MAP3K21: variants seen among roughly 807,000 people sequenced by gnomAD.
The protein encoded by MAP3K21 is mitogen-activated protein kinase kinase kinase 21, also known as mitogen-activated protein kinase kinase kinase MLK4.
Under a neutral mutation model 86.1 loss-of-function variants are expected in MAP3K21, and 63 were observed. That is an observed-to-expected ratio of 0.73 (90% CI 0.60 to 0.90). The LOEUF (loss-of-function observed/expected upper bound fraction) is 0.90. Among genes scored for constraint, MAP3K21 ranks in the 40% least tolerant of loss-of-function variants. The probability of loss-of-function intolerance (pLI) is 0.00; values close to 1 mark genes in which losing one functional copy is unlikely to be tolerated. For synonymous variants in MAP3K21, 558 were observed against 564.8 expected (o/e 0.99, Z 0.17); for missense variants, 1,220 against 1,367.7 (o/e 0.89, Z 1.70).
chr1:233,380,934 G>T (rs1274091958), intron 9 of MAP3K21, among the ~76,000 whole-genome samples: 1 of 152,148 alleles, frequency 6.6e-6, no homozygotes, highest in African/African-American at 2.4e-5. Flanking sequence ...GATGTGACTG[G>T]ATCATGCTAT....
In MAP3K21 at chr1:233,355,063, G is replaced by A. The variant is rs759105931; in HGVS notation, c.1311+52G>A. ...TGTACTCAAATTTATGAAAACTATG[G>A]AAAATATGAGGCAAGAAGCACTGTT... On this transcript the variant is annotated intron_variant, in intron 4 of 9. Transcript: ENST00000366624. 1.5e-5 allele frequency: 20 copies of A among 1,342,440 alleles called. No individual in the cohort carries two copies. In the Admixed American group the frequency reaches 3.9e-4, roughly 26 times the overall value. The allele number at this position is 1,342,440 out of a possible 1,614,324, so 83.2% of individuals were successfully genotyped here.
At chr1:233,344,699 A>C (rs939123196) in intron 1 of MAP3K21, among the ~76,000 whole-genome samples, 1 of 152,246 alleles carries the variant, frequency 6.6e-6, no homozygotes, top group African/African-American at 2.4e-5. Flanking sequence ...AAACACCAAA[A>C]GCAATGGCAA....
At chr1:233,333,150 C>T (rs962012000) in intron 1 of MAP3K21, among the ~76,000 whole-genome samples, 7 of 152,040 alleles carry the variant, frequency 4.6e-5, no homozygotes, top group African/African-American at 1.7e-4. Flanking sequence ...ATGTAATCTC[C>T]AGATAAGATG....
chr1:233,376,364 C>A, intron 7 of MAP3K21, 66 bp from the exon 8 acceptor site: 1 of 1,145,848 alleles, frequency 8.7e-7, no homozygotes. Context: ...TGGTCTGTAT[C>A]CACCAAAACC....
chr1:233,381,820 C>T (rs1451536313), intron 9 of MAP3K21, among the ~76,000 whole-genome samples: 1 of 152,174 alleles, frequency 6.6e-6, no homozygotes, highest in Admixed American at 6.5e-5. Flanking sequence ...AACTGCTTTT[C>T]CATTTTCATC....
chr1:233,381,905 C>T (rs1311759257), intron 9 of MAP3K21, among the ~76,000 whole-genome samples: 2 of 152,148 alleles, frequency 1.3e-5, no homozygotes, highest in Non-Finnish European at 2.9e-5. Flanking sequence ...AAATTTATTC[C>T]AGTCTAGTCC....
intron 1 of MAP3K21, among the ~76,000 whole-genome samples, chr1:233,331,347 A>G (rs763586642): frequency 1.3e-5 from 2 of 152,208 alleles, no homozygotes; most frequent in Non-Finnish European, 2.9e-5. Context: ...TTTAATTACT[A>G]TAAAGTGAAG....
At chr1:233,352,591 C>G (rs771674505) in intron 2 of MAP3K21, among the ~76,000 whole-genome samples, 1 of 151,924 alleles carries the variant, frequency 6.6e-6, no homozygotes, top group South Asian at 2.1e-4. Context: ...CCACCATGCC[C>G]GGGTCATTTT....
Position 233,328,678 on chromosome 1 carries a change from C to G in MAP3K21, c.650C>G (p.Ala217Gly). 1 of 1,320,542 alleles carries G rather than the reference C, an allele frequency of 7.6e-7. No homozygotes were observed. The allele number at this position is 1,320,542 out of a possible 1,614,324, so 81.8% of individuals were successfully genotyped here. A position where few individuals can be genotyped will look rare whatever the true frequency, so the allele number is the denominator to read the frequency against. ...ALNRALAAAN[A>G]APDPRAPGPR... is the part of the protein sequence containing the mutation. ...AACCGAGCGCTGGCCGCTGCCAACG[C>G]CGCCCCGGACCCGCGCGCGCCCGGC... Residue 217 changes from alanine to glycine, a missense_variant, in exon 1 of 10, where the codon GCC (alanine) becomes GGC (glycine). Transcript: ENST00000366624. This position sits in a 1 kb window ranked among gnomAD's most constrained non-coding sequence, Gnocchi z 8.7.
At chr1:233,347,483 G>A (rs530591052) in intron 2 of MAP3K21, among the ~76,000 whole-genome samples, 1 of 152,186 alleles carries the variant, frequency 6.6e-6, no homozygotes, top group African/African-American at 2.4e-5. Flanking sequence ...ACTTGCCATT[G>A]TTTAGTGCTC....
chr1:233,357,978 A>G (rs1293213253), intron 4 of MAP3K21, among the ~76,000 whole-genome samples: 3 of 152,038 alleles, frequency 2.0e-5, no homozygotes, highest in Admixed American at 6.5e-5. Flanking sequence ...ATTCTGAAAA[A>G]TATGATAGAC....
intron 1 of MAP3K21, among the ~76,000 whole-genome samples, chr1:233,335,495 C>T (rs1213595270): frequency 6.6e-6 from 1 of 151,820 alleles, no homozygotes; most frequent in Non-Finnish European, 1.5e-5. Flanking sequence ...TCACTACAAC[C>T]TTTTGAGGTG....
chr1:233,352,642 G>C (rs1051920007), intron 2 of MAP3K21, among the ~76,000 whole-genome samples: 4 of 152,102 alleles, frequency 2.6e-5, no homozygotes, highest in Non-Finnish European at 5.9e-5. Flanking sequence ...TGCTGGCCAA[G>C]CTGGTCTTGT....
chr1:233,357,346 A>C (rs1159708998), intron 4 of MAP3K21, among the ~76,000 whole-genome samples: 1 of 152,164 alleles, frequency 6.6e-6, no homozygotes, highest in Non-Finnish European at 1.5e-5. Flanking sequence ...GGGCGCATGT[A>C]TACATATGTA....
intron 6 of MAP3K21, chr1:233,372,494 G>T: frequency 2.9e-6 from 1 of 340,720 alleles, no homozygotes. Flanking sequence ...ATTTGTGTCA[G>T]GGTACTTTGA....
At chr1:233,351,735 A>C (rs1572245987) in intron 2 of MAP3K21, among the ~76,000 whole-genome samples, 1 of 152,050 alleles carries the variant, frequency 6.6e-6, no homozygotes, top group Non-Finnish European at 1.5e-5. Context: ...CCAACACTTA[A>C]GAAATAATTC....
At chr1:233,333,931 T>G (rs1377254313) in intron 1 of MAP3K21, among the ~76,000 whole-genome samples, 1 of 152,168 alleles carries the variant, frequency 6.6e-6, no homozygotes, top group African/African-American at 2.4e-5. Context: ...GGCACGATCT[T>G]GGCTCACTGC....
chr1:233,334,178 T>G (rs929086825), intron 1 of MAP3K21, among the ~76,000 whole-genome samples: 1 of 151,520 alleles, frequency 6.6e-6, no homozygotes, highest in African/African-American at 2.4e-5. Flanking sequence ...TTTTTTTTTT[T>G]TTTTTTTAAT....
chr1:233,340,163 G>C (rs954492837), intron 1 of MAP3K21, among the ~76,000 whole-genome samples: 1 of 152,194 alleles, frequency 6.6e-6, no homozygotes, highest in African/African-American at 2.4e-5. Context: ...TAGGCAAAAG[G>C]CAATGGGGAG....
Sources: gnomAD v4.1 joint callset for allele counts (sites outside exome capture counted in the v4.1 genomes callset) on GRCh38, gnomAD v4.1.1 for gene constraint, Gnocchi (gnomAD v3.1) non-coding constraint, MANE v1.5 for transcripts, NCBI Gene and HGNC (gene_info 2026-07-23, HGNC 2026-07-21) for gene names.